NUP160: variants seen among roughly 807,000 people sequenced by gnomAD.
NUP160 encodes nucleoporin 160.
A neutral mutation model predicts 196.9 loss-of-function variants in NUP160; 94 were observed. The ratio of observed to expected loss-of-function variants is 0.48; its 90% CI spans 0.40 to 0.57. The LOEUF (loss-of-function observed/expected upper bound fraction) is 0.57. Ranked by LOEUF, NUP160 falls within the 20% of genes least tolerant of loss-of-function variation. The pLI, the probability that NUP160 is intolerant of heterozygous loss-of-function variation, is 0.00. For synonymous variants in NUP160, 605 were observed against 619.7 expected (o/e 0.98, Z 0.35); for missense variants, 1,638 against 1,748.3 (o/e 0.94, Z 1.13).
chr11:47,808,688 T>G (rs561732152), intron 17 of NUP160, among the ~76,000 whole-genome samples, 159 bp from the exon 18 acceptor site: 1 of 152,174 alleles, frequency 6.6e-6, no homozygotes, highest in African/African-American at 2.4e-5. Context: ...TGGCAAAATA[T>G]CTTCCCAAAC....
intron 5 of NUP160, 128 bp downstream of exon 5, chr11:47,837,417 G>A: frequency 1.4e-6 from 1 of 723,406 alleles, no homozygotes; most frequent in Admixed American, 2.5e-5. Context: ...GGAATTTAAT[G>A]TTATTCTGAC....
chr11:47,790,551 G>A (rs1023482452), intron 29 of NUP160, among the ~76,000 whole-genome samples: 40 of 152,114 alleles, frequency 2.6e-4, no homozygotes, highest in African/African-American at 7.0e-4. Context: ...ATGAGCCACC[G>A]CACCTGGCCT....
At chr11:47,784,891 T>A in intron 33 of NUP160, 31 bp downstream of exon 33, 1 of 1,508,870 alleles carries the variant, frequency 6.6e-7, no homozygotes. Flanking sequence ...AAGAGTGGGT[T>A]CTTACTCTGT....
intron 33 of NUP160, among the ~76,000 whole-genome samples, chr11:47,784,303 C>T (rs896216130): frequency 1.3e-5 from 2 of 152,086 alleles, no homozygotes; most frequent in African/African-American, 4.8e-5. Context: ...TCTAAGAACC[C>T]GTTTTTGATT....
intron 19 of NUP160, 195 bp from the exon 20 acceptor site, chr11:47,806,507 A>G (rs1285546599): frequency 1.9e-6 from 1 of 514,232 alleles, no homozygotes. Context: ...AAAATGCAAT[A>G]AAAACACCAT....
intron 1 of NUP160, 38 bp downstream of exon 1, chr11:47,848,181 G>GA (rs913643985): frequency 1.9e-6 from 3 of 1,606,784 alleles, no homozygotes; most frequent in Non-Finnish European, 2.6e-6. Context: ...AGCCCGAGGG[G>GA]ACAGATGGGA....
intron 7 of NUP160, among the ~76,000 whole-genome samples, chr11:47,834,065 G>A (rs1388327917): frequency 2.6e-5 from 4 of 152,286 alleles, no homozygotes; most frequent in Non-Finnish European, 2.9e-5. Flanking sequence ...TGGTCTTGGG[G>A]ATTACCCCCC....
At chr11:47,795,371 G>A (rs987726918) in intron 27 of NUP160, among the ~76,000 whole-genome samples, 2 of 152,152 alleles carry the variant, frequency 1.3e-5, no homozygotes, top group African/African-American at 4.8e-5. Flanking sequence ...TTGATATAAT[G>A]TTATTGTGAA....
intron 7 of NUP160, among the ~76,000 whole-genome samples, 156 bp from the exon 8 acceptor site, chr11:47,822,320 C>T (rs1288670751): frequency 5.3e-5 from 8 of 151,892 alleles, no homozygotes; most frequent in African/African-American, 1.7e-4. Context: ...TGCAATGGCA[C>T]GATCTCAGCT....
At chr11:47,804,955 A>T (rs940208624) in intron 20 of NUP160, among the ~76,000 whole-genome samples, 1 of 152,120 alleles carries the variant, frequency 6.6e-6, no homozygotes, top group Non-Finnish European at 1.5e-5. Flanking sequence ...TGGGCAACAC[A>T]TAAGAGTCCT....
intron 33 of NUP160, 85 bp from the exon 34 acceptor site, chr11:47,783,283 T>C (rs1452292804): frequency 5.4e-6 from 8 of 1,477,586 alleles, no homozygotes; most frequent in African/African-American, 1.4e-5. Context: ...GCTGATTCCC[T>C]AACATTTGTA....
At chr11:47,793,885 C>T (rs915497008) in intron 27 of NUP160, among the ~76,000 whole-genome samples, 2 of 151,628 alleles carry the variant, frequency 1.3e-5, no homozygotes, top group South Asian at 2.1e-4. Flanking sequence ...GGATTACAGG[C>T]GCCCACCACC....
exon 24 of NUP160, chr11:47,798,384 T>A (rs2097672124): frequency 6.2e-7 from 1 of 1,609,732 alleles, no homozygotes; most frequent in Non-Finnish European, 8.5e-7. Flanking sequence ...TTTCCAGTCA[T>A]CACCTGCTTC....
chr11:47,835,741 A>G lies in NUP160; in HGVS notation c.1011T>C (p.Thr337=). The G allele has an allele frequency of 6.2e-7, 1 of 1,606,876 alleles. No individual in the cohort carries two copies. Among genetic ancestry groups the G allele is most frequent in the Non-Finnish European group, 8.5e-7 (1 of 1,176,772 alleles). The stretch of plus-strand genomic sequence containing the variant: ...GCCGTAATTTGTGTCCAGTTCCAGC[A>G]GTAAGCCGAAGGTCTTTCTTCACAG... Residue 337 remains threonine (T), a synonymous_variant, in exon 7 of 36, where the codon ACT becomes ACC. Coordinates refer to ENST00000378460, the Ensembl canonical transcript of NUP160.
At chr11:47,832,502 C>T (rs1417224323) in intron 7 of NUP160, among the ~76,000 whole-genome samples, 3 of 152,160 alleles carry the variant, frequency 2.0e-5, no homozygotes, top group East Asian at 3.8e-4. Flanking sequence ...AATGTGTTTT[C>T]AGTTTTTTAC....
At chr11:47,808,861 G>A (rs1005170993) in intron 17 of NUP160, among the ~76,000 whole-genome samples, 9 of 152,108 alleles carry the variant, frequency 5.9e-5, no homozygotes, top group African/African-American at 2.2e-4. Context: ...AGCACTTTGG[G>A]AGGCTGAAGC....
At chr11:47,828,065 C>T (rs1056019779) in intron 7 of NUP160, among the ~76,000 whole-genome samples, 11 of 152,228 alleles carry the variant, frequency 7.2e-5, no homozygotes, top group East Asian at 5.8e-4. Context: ...GACAGGGTTT[C>T]GCCATGTTGC....
chr11:47,781,054 G>A (rs897399123), intron 34 of NUP160, among the ~76,000 whole-genome samples: 11 of 151,340 alleles, frequency 7.3e-5, no homozygotes, highest in African/African-American at 2.2e-4. Context: ...GTGAAACCCC[G>A]TCTCTACTAA....
chr11:47,812,225 C>A lies in NUP160; in HGVS notation c.2081-1G>T, dbSNP rs772432049. On this transcript the variant is annotated splice_acceptor_variant, in intron 16 of 35. Transcript: ENST00000378460. LOFTEE classifies it high-confidence loss of function. ...TTCATTCGAATATTCAAAGGCTGAG[C>A]TGTAAAAAGAAGAAAAATGGAGTTG... 6.2e-7 allele frequency: 1 copy of A among 1,613,948 alleles called. No individual in the cohort carries two copies.
Sources: allele counts gnomAD v4.1 joint callset (sites outside exome capture counted in the v4.1 genomes callset), GRCh38; gene constraint gnomAD v4.1.1; transcripts MANE v1.5; gene names NCBI Gene and HGNC (gene_info 2026-07-23, HGNC 2026-07-21).